Variants in GOLT1B observed in about 807,000 individuals in gnomAD.
GOLT1B encodes vesicle transport protein GOT1B.
GOLT1B carries 3 observed loss-of-function variants against 15.4 expected under a neutral mutation model. The ratio of observed to expected loss-of-function variants is 0.19; its 90% CI spans 0.09 to 0.50. The LOEUF is 0.50. Ranked by LOEUF, GOLT1B falls within the 20% of genes least tolerant of loss-of-function variation. The pLI, the probability that GOLT1B is intolerant of heterozygous loss-of-function variation, is 0.97. For synonymous variants in GOLT1B, 65 were observed against 56.2 expected, an observed-to-expected ratio of 1.16 and a Z score of -0.70; for missense variants, 145 against 160.4, an observed-to-expected ratio of 0.90 and a Z score of 0.52.
chr12:21,504,780 CAG>C (rs1943667788), intron 1 of GOLT1B, among the ~76,000 whole-genome samples: 1 of 152,190 alleles, frequency 6.6e-6, no homozygotes, highest in African/African-American at 2.4e-5. Context: ...AAACCATACT[CAG>C]AGATTGGCCT....
rs1212341200 is a variant in GOLT1B at position 21,515,548 on chromosome 12, C to T, written c.379-121C>T. ...CTGGATTAGTCATTGTCAGTCATACCTTAAATTTCCACAACTCTTCTTGTA... is the reference window on the plus strand; with the variant it reads ...CTGGATTAGTCATTGTCAGTCATACTTTAAATTTCCACAACTCTTCTTGTA... On this transcript the variant is annotated intron_variant, in intron 4 of 4. Transcript: ENST00000229314. 1.2e-5 allele frequency: 8 copies of T among 664,038 alleles called. No homozygotes were observed. The Admixed American group carries it at 2.3e-4, about 19-fold the overall frequency. 41.1% of individuals were successfully genotyped at this position (664,038 alleles called of 1,614,324 possible). A position where few individuals can be genotyped will look rare whatever the true frequency, so the allele number is the denominator to read the frequency against.
intron 1 of GOLT1B, among the ~76,000 whole-genome samples, chr12:21,506,217 A>G (rs914715959): frequency 1.3e-5 from 2 of 152,256 alleles, no homozygotes; most frequent in East Asian, 1.9e-4. Context: ...TCTAGACCAA[A>G]TATTTAAGTA....
In GOLT1B at chr12:21,512,275, C is replaced by CTTTTTT. The variant is rs755440639; in HGVS notation, c.297-17_297-12dup. 1.6e-6 allele frequency: 2 copies of CTTTTTT among 1,289,544 alleles called. No individual in the cohort carries two copies. The highest frequency in any genetic ancestry group is 2.5e-5 in the South Asian group (2 of 79,420). The allele number at this position is 1,289,544 out of a possible 1,614,324, so 79.9% of individuals were successfully genotyped here. On this transcript the variant is annotated intron_variant, in intron 3 of 4. Transcript: ENST00000229314. ...TAGAAAATGTGTAAATATTAAGAAC[C>CTTTTTT]TTTTTTTTCCCTCTCCCAGGGGCTT... is the stretch of plus-strand genomic sequence containing the variant.
chr12:21,507,526 G>GTGTGTGTT (rs1943687903), intron 2 of GOLT1B, among the ~76,000 whole-genome samples: 2 of 151,356 alleles, frequency 1.3e-5, no homozygotes, highest in South Asian at 4.2e-4. Context: ...GTGTGTGTGT[G>GTGTGTGTT]TGTATATATA....
Position 21,517,668 on chromosome 12 carries a change from A to G in GOLT1B, c.*1961A>G, listed in dbSNP as rs1157966077. On this transcript the variant is annotated 3_prime_UTR_variant, in exon 5 of 5. Coordinates refer to ENST00000229314, the MANE Select transcript of GOLT1B (RefSeq NM_016072.5). ...TCAATAATCTTAATTCAAAAGCATT[A>G]TTAGACTTGAAAGGGTTTGATAATC... The G allele has an allele frequency of 1.3e-5, 2 of 152,126 alleles. No homozygotes were observed. Among genetic ancestry groups the G allele is most frequent in the Non-Finnish European group, 2.9e-5 (2 of 67,944 alleles). The allele number at this position is 152,126 out of a possible 1,614,324, so 9.4% of individuals were successfully genotyped here.
chr12:21,511,779 T>C (rs1176975562), intron 3 of GOLT1B, among the ~76,000 whole-genome samples: 1 of 152,266 alleles, frequency 6.6e-6, no homozygotes, highest in African/African-American at 2.4e-5. Flanking sequence ...AACTATTTCA[T>C]TCTCTTCCTA....
At chr12:21,506,811 A>G (rs1309884607) in intron 1 of GOLT1B, 74 bp from the exon 2 acceptor site, 7 of 628,538 alleles carry the variant, frequency 1.1e-5, no homozygotes, top group Non-Finnish European at 2.0e-5. Context: ...AAACTGGAAA[A>G]TTTTCTTAGT....
In GOLT1B at chr12:21,516,148, G is replaced by T. The variant is rs1415001152; in HGVS notation, c.*441G>T. The T allele has an allele frequency of 6.5e-6, 1 of 153,240 alleles. No homozygotes were observed. The highest frequency in any genetic ancestry group is 1.5e-5 in the Non-Finnish European group (1 of 68,756). 9.5% of individuals were successfully genotyped at this position (153,240 alleles called of 1,614,324 possible). ...GTTGCACTGTATCTCTGGAAGTGATGCATGAATTCGATTGGATTGTGTCAT... is the reference window on the plus strand; with the variant it reads ...GTTGCACTGTATCTCTGGAAGTGATTCATGAATTCGATTGGATTGTGTCAT... On this transcript the variant is annotated 3_prime_UTR_variant, in exon 5 of 5. Transcript: ENST00000229314.
chr12:21,518,257 C>G lies in GOLT1B; in HGVS notation c.*2550C>G, dbSNP rs1048617. 6.6e-6 allele frequency: 1 copy of G among 151,916 alleles called. No homozygotes were observed. The highest frequency in any genetic ancestry group is 6.6e-5 in the Admixed American group (1 of 15,256). The allele number at this position is 151,916 out of a possible 1,614,324, so 9.4% of individuals were successfully genotyped here. A position where few individuals can be genotyped will look rare whatever the true frequency, so the allele number is the denominator to read the frequency against. On this transcript the variant is annotated 3_prime_UTR_variant, in exon 5 of 5. Coordinates refer to ENST00000229314, the MANE Select transcript of GOLT1B (RefSeq NM_016072.5). ...AAAAATTAGCCTTATATGCAGTGTT[C>G]TATTTATCAAATGATCTTCACATCT...
In GOLT1B at chr12:21,508,411, TA is replaced by T; in HGVS notation, c.148del (p.Ile50LeufsTer3). On this transcript the variant is annotated frameshift_variant, in exon 3 of 5. Coordinates refer to ENST00000229314, the MANE Select transcript of GOLT1B (RefSeq NM_016072.5). LOFTEE classifies it high-confidence loss of function. ...TTATTTGTAGCCGGCTTGGCTTTTG[TA>T]ATTGGTTTAGAAAGAACATTCAGAT... ...NVLFVAGLAF[V>X]IGLERTFRFF... The T allele has an allele frequency of 6.3e-7, 1 of 1,580,114 alleles. No individual in the cohort carries two copies. Among genetic ancestry groups the T allele is most frequent in the Non-Finnish European group, 8.6e-7 (1 of 1,164,284 alleles).
intron 3 of GOLT1B, among the ~76,000 whole-genome samples, chr12:21,510,084 A>T (rs529412179): frequency 3.3e-5 from 5 of 152,326 alleles, no homozygotes; most frequent in Admixed American, 3.3e-4. Context: ...AGGATAAAGT[A>T]GGTATTAAAG....
chr12:21,512,958 CGA>C (rs1450458086), intron 4 of GOLT1B, among the ~76,000 whole-genome samples: 2 of 151,248 alleles, frequency 1.3e-5, no homozygotes, highest in East Asian at 3.9e-4. Context: ...CCCAGCTACT[CGA>C]GAGACTGAGG....
rs1447532839 is a variant in GOLT1B, at chr12:21,517,853, T to G, written c.*2146T>G. On this transcript the variant is annotated 3_prime_UTR_variant, in exon 5 of 5. Transcript: ENST00000229314. ...ATTTTTAAACATACTAGTCTGCTGA[T>G]AGAAAGCACTATACATCCTATTGTT... 3 of 152,566 alleles carry G rather than the reference T, an allele frequency of 2.0e-5. No individual in the cohort carries two copies. Among genetic ancestry groups the G allele is most frequent in the African/African-American group, 7.2e-5 (3 of 41,448 alleles). The allele number at this position is 152,566 out of a possible 1,614,324, so 9.5% of individuals were successfully genotyped here.
rs752350037 is a variant in GOLT1B at position 21,501,873 on chromosome 12, C to G, written c.-51C>G. On this transcript the variant is annotated 5_prime_UTR_variant, in exon 1 of 5. Transcript: ENST00000229314. ...GCTTCATTTCTCCCGACTCAGCTTC[C>G]CACCCTGGGCTTTCCGAGGTGCTGT... The G allele has an allele frequency of 7.3e-7, 1 of 1,377,906 alleles. No homozygotes were observed. The highest frequency in any genetic ancestry group is 1.2e-5 in the South Asian group (1 of 85,446). 85.4% of individuals were successfully genotyped at this position (1,377,906 alleles called of 1,614,324 possible). A position where few individuals can be genotyped will look rare whatever the true frequency, so the allele number is the denominator to read the frequency against.
In GOLT1B at chr12:21,509,260, A is replaced by G. The variant is rs140244421; in HGVS notation, c.296+699A>G. ...CTAAAAATTCAAAAATTAGCTGGCC[A>G]TGCTGGCAGGCGCCTGTAATCCTAG... On this transcript the variant is annotated intron_variant, in intron 3 of 4. Coordinates refer to ENST00000229314, the MANE Select transcript of GOLT1B (RefSeq NM_016072.5). 6.3e-3 allele frequency among the ~76,000 whole-genome samples: 951 copies of G among 152,008 alleles called. 5 individuals carry two copies. The highest frequency in any genetic ancestry group is 9.5e-3 in the Non-Finnish European group (644 of 67,940).
intron 3 of GOLT1B, among the ~76,000 whole-genome samples, chr12:21,511,035 G>C (rs1943715796): frequency 6.6e-6 from 1 of 152,116 alleles, no homozygotes; most frequent in South Asian, 2.1e-4. Flanking sequence ...ATATAGTTCT[G>C]ATACTGTCTA....
intron 3 of GOLT1B, among the ~76,000 whole-genome samples, chr12:21,509,396 C>CAAAAAAA (rs71053318): frequency 1.4e-5 from 1 of 74,040 alleles, no homozygotes; most frequent in Non-Finnish European, 2.3e-5. Context: ...GACTCTGTCT[C>CAAAAAAA]AAAAAAAAAA....
intron 2 of GOLT1B, 34 bp from the exon 3 acceptor site, chr12:21,508,349 A>G: frequency 1.5e-6 from 2 of 1,312,374 alleles, no homozygotes; most frequent in Non-Finnish European, 2.1e-6. Context: ...GTGTTTAATT[A>G]CCTTTTCCGT....
intron 2 of GOLT1B, 143 bp from the exon 3 acceptor site, chr12:21,508,240 A>G (rs776507146): frequency 3.3e-6 from 2 of 605,340 alleles, no homozygotes; most frequent in Non-Finnish European, 5.8e-6. Context: ...TTGGTTGTAC[A>G]TTACAGTTCT....
Sources: allele counts gnomAD v4.1 joint callset (sites outside exome capture counted in the v4.1 genomes callset), GRCh38; gene constraint gnomAD v4.1.1; transcripts MANE v1.5; gene names NCBI Gene and HGNC (gene_info 2026-07-23, HGNC 2026-07-21).